The following EEF2K variants were observed in gnomAD, a reference collection of about 807,000 sequenced individuals.
EEF2K encodes alternative protein EEF2K.
EEF2K carries 70 observed loss-of-function variants against 93.8 expected under a neutral mutation model. The ratio of observed to expected loss-of-function variants is 0.75; its 90% CI spans 0.62 to 0.91. EEF2K has a LOEUF of 0.91. Among genes scored for constraint, EEF2K ranks in the 40% least tolerant of loss-of-function variants. EEF2K has a pLI of 0.00. For missense variants in EEF2K, 935 were observed against 972.9 expected (o/e 0.96, Z 0.52); for synonymous variants, 376 against 380.8 (o/e 0.99, Z 0.15).
chr16:22,232,810 G>T (rs1034931692), intron 2 of EEF2K, among the ~76,000 whole-genome samples: 1 of 152,076 alleles, frequency 6.6e-6, no homozygotes, highest in African/African-American at 2.4e-5. Flanking sequence ...TGTTGCCAGG[G>T]GTGGCTTCAG....
rs553013823 is a variant in EEF2K at position 22,226,517 on chromosome 16, C to CTTTTTTTTTTTTTT, written c.246+544_246+557dup. On this transcript the variant is annotated intron_variant, in intron 2 of 17. Coordinates refer to ENST00000263026, the MANE Select transcript of EEF2K (RefSeq NM_013302.5). ...CTTTTTCTTTCTTTTCCTTCTTCTT[C>CTTTTTTTTTTTTTT]TTTTTTTTTTTTTTTATAAACGTGG... Among the ~76,000 whole-genome samples, 663 of 106,636 alleles carry CTTTTTTTTTTTTTT rather than the reference C, an allele frequency of 6.2e-3. 21 individuals are homozygous for CTTTTTTTTTTTTTT. Among genetic ancestry groups the CTTTTTTTTTTTTTT allele is most frequent in the African/African-American group, 0.012 (291 of 23,574 alleles). The allele number at this position is 106,636 out of a possible 152,430, so 70.0% of individuals were successfully genotyped here.
intron 1 of EEF2K, among the ~76,000 whole-genome samples, chr16:22,224,954 A>C (rs1374024374): frequency 6.6e-6 from 1 of 151,928 alleles, no homozygotes; most frequent in Non-Finnish European, 1.5e-5. Context: ...ACTCTGTCTC[A>C]GAAGAAAAAA....
chr16:22,248,647 G>T, intron 3 of EEF2K, 108 bp from the exon 4 acceptor site: 1 of 1,357,474 alleles, frequency 7.4e-7, no homozygotes, highest in South Asian at 1.2e-5. Context: ...TGGAGAGTGG[G>T]TTGGTTCTGA....
At chr16:22,235,363 G>A (rs559012472) in intron 2 of EEF2K, among the ~76,000 whole-genome samples, 2 of 148,708 alleles carry the variant, frequency 1.3e-5, no homozygotes, top group African/African-American at 2.5e-5. Context: ...AGTTTTTTTC[G>A]GCAAGCAAGA....
intron 1 of EEF2K, among the ~76,000 whole-genome samples, chr16:22,222,860 G>A (rs1333451871): frequency 6.8e-6 from 1 of 148,088 alleles, no homozygotes; most frequent in Non-Finnish European, 1.5e-5. Context: ...TCCAGCCTGG[G>A]TGACAGGGTG....
At chr16:22,254,339 C>T (rs1042501486) in intron 6 of EEF2K, among the ~76,000 whole-genome samples, 4 of 152,142 alleles carry the variant, frequency 2.6e-5, no homozygotes, top group East Asian at 1.9e-4. Context: ...TCCCTGCCTT[C>T]CCCTCAGGCC....
intron 6 of EEF2K, among the ~76,000 whole-genome samples, chr16:22,256,304 C>T (rs2047398007): frequency 1.3e-5 from 2 of 152,110 alleles, no homozygotes; most frequent in African/African-American, 4.8e-5. Flanking sequence ...ACCATGTTGG[C>T]CACGGTTGGT....
At chr16:22,253,403 T>TG (rs2047369862) in intron 6 of EEF2K, among the ~76,000 whole-genome samples, 1 of 152,166 alleles carries the variant, frequency 6.6e-6, no homozygotes, top group African/African-American at 2.4e-5. Context: ...GTCCCCACCC[T>TG]GGGGGGCTGT....
intron 16 of EEF2K, among the ~76,000 whole-genome samples, chr16:22,275,336 ATTAT>A (rs1044867594): frequency 6.7e-6 from 1 of 150,262 alleles, no homozygotes; most frequent in Admixed American, 6.6e-5. Flanking sequence ...TTTAATTATT[ATTAT>A]TTATTTATTT....
intron 1 of EEF2K, among the ~76,000 whole-genome samples, chr16:22,219,675 G>A (rs2046993308): frequency 6.6e-6 from 1 of 152,100 alleles, no homozygotes; most frequent in South Asian, 2.1e-4. Flanking sequence ...TTATGATATG[G>A]GAGAGAAGGA....
chr16:22,258,370 C>G, intron 9 of EEF2K, 124 bp from the exon 10 acceptor site: 1 of 993,508 alleles, frequency 1.0e-6, no homozygotes, highest in Admixed American at 2.6e-5. Flanking sequence ...TATATCAGCT[C>G]CTAAACAGGC....
chr16:22,234,434 G>A (rs988721819), intron 2 of EEF2K, among the ~76,000 whole-genome samples: 1 of 152,014 alleles, frequency 6.6e-6, no homozygotes, highest in African/African-American at 2.4e-5. Flanking sequence ...GTGTGAGACT[G>A]TAGTCCCAGC....
intron 12 of EEF2K, 132 bp downstream of exon 12, chr16:22,263,319 G>C (rs1205130792): frequency 1.3e-6 from 1 of 795,076 alleles, no homozygotes; most frequent in African/African-American, 1.8e-5. Context: ...TTAATAAAGA[G>C]TATTTCAGGC....
chr16:22,268,943 CA>C (rs2047551282), intron 15 of EEF2K, among the ~76,000 whole-genome samples: 1 of 150,172 alleles, frequency 6.7e-6, no homozygotes. Flanking sequence ...GGCAACAGAG[CA>C]AGACTCCATC....
chr16:22,263,673 G>A (rs1187716177), intron 12 of EEF2K, among the ~76,000 whole-genome samples: 2 of 152,234 alleles, frequency 1.3e-5, no homozygotes, highest in Non-Finnish European at 2.9e-5. Flanking sequence ...ACAGGATCAT[G>A]TGGACCAGTA....
Position 22,257,784 on chromosome 16 carries a change from G to A in EEF2K, c.1029+14G>A, listed in dbSNP as rs1456834133. 4 of 1,612,468 alleles carry A rather than the reference G, an allele frequency of 2.5e-6. No individual in the cohort carries two copies. Among genetic ancestry groups the A allele is most frequent in the Non-Finnish European group, 3.4e-6 (4 of 1,179,504 alleles). ...ACCAAGCTGCTGGTGGGTGCCCAGT[G>A]TGACCCTGCTTGGCCTGGCAGGCCC... On this transcript the variant is annotated intron_variant, in intron 9 of 17. Transcript: ENST00000263026.
At chr16:22,232,889 T>C (rs979147639) in intron 2 of EEF2K, among the ~76,000 whole-genome samples, 8 of 152,262 alleles carry the variant, frequency 5.3e-5, no homozygotes, top group African/African-American at 1.9e-4. Context: ...TGGTTTTTTT[T>C]TTAACGCACT....
intron 17 of EEF2K, 144 bp downstream of exon 17, chr16:22,280,520 A>G (rs1488125540): frequency 6.0e-6 from 6 of 1,000,922 alleles, no homozygotes; most frequent in Non-Finnish European, 7.9e-6. Context: ...TAGTATGAAG[A>G]TGAACATTGT....
Position 22,251,237 on chromosome 16 carries a change from G to T in EEF2K, c.533G>T (p.Arg178Leu). ...VAKRYIEPVD[R>L]DVYFEDVRLQ... ...AAGCGCTACATCGAGCCCGTAGACCGGGATGTGTACTTTGAGGACGTGCGT... is the reference window on the plus strand; with the variant it reads ...AAGCGCTACATCGAGCCCGTAGACCTGGATGTGTACTTTGAGGACGTGCGT... The change falls in exon 6 of 18, where the codon CGG becomes CTG. Residue 178 changes from arginine to leucine, a missense_variant. Physicochemically the swap from Arg to Leu is moderately radical, Grantham distance 102 (BLOSUM62 -2). Transcript: ENST00000263026. The T allele has an allele frequency of 6.2e-7, 1 of 1,614,086 alleles. No homozygotes were observed. Among genetic ancestry groups the T allele is most frequent in the Non-Finnish European group, 8.5e-7 (1 of 1,180,016 alleles).
Sources: allele counts gnomAD v4.1 joint callset (sites outside exome capture counted in the v4.1 genomes callset), GRCh38; gene constraint gnomAD v4.1.1; transcripts MANE v1.5; gene names NCBI Gene and HGNC (gene_info 2026-07-23, HGNC 2026-07-21).